The following TERT variants were observed in gnomAD, a reference collection of about 807,000 sequenced individuals.
The protein encoded by TERT is telomerase catalytic subunit.
A neutral mutation model predicts 104.0 loss-of-function variants in TERT; 42 were observed. The observed-to-expected ratio is 0.40, with a 90% CI of 0.32 to 0.52. TERT has a LOEUF of 0.52. Among genes scored for constraint, TERT ranks in the 20% least tolerant of loss-of-function variants. The probability of loss-of-function intolerance (pLI) is 0.43; values close to 1 mark genes in which losing one functional copy is unlikely to be tolerated. For missense variants in TERT, 1,101 were observed against 1,610.3 expected (o/e 0.68, Z 5.41); for synonymous variants, 781 against 725.6 (o/e 1.08, Z -1.23).
chr5:1,286,508 G>A lies in TERT; in HGVS notation c.1574-3884C>T, dbSNP rs1315859304. Among the ~76,000 whole-genome samples the A allele has an allele frequency of 6.6e-6, 1 of 152,178 alleles. No individual in the cohort carries two copies. Among genetic ancestry groups the A allele is most frequent in the African/African-American group, 2.4e-5 (1 of 41,428 alleles). On this transcript the variant is annotated intron_variant, in intron 2 of 15. Coordinates refer to ENST00000310581, the MANE Select transcript of TERT (RefSeq NM_198253.3). The surrounding 1 kb of genome is among the most constrained non-coding windows in gnomAD (Gnocchi z 5.3). ...CAGGGAAAACAGCACACAGGCTGGGGGGTGGCCAGAGCTAAAATACACTAA... is the reference window on the plus strand; with the variant it reads ...CAGGGAAAACAGCACACAGGCTGGGAGGTGGCCAGAGCTAAAATACACTAA...
Position 1,263,129 on chromosome 5 carries a change from A to C in TERT, c.2843+1275T>G, listed in dbSNP as rs1212095864. ...CGTCTGCACCTGCTGCTCCCCCATCACGAGGGTGTCCACACCTGCTGCTCC... is the reference window on the plus strand; with the variant it reads ...CGTCTGCACCTGCTGCTCCCCCATCCCGAGGGTGTCCACACCTGCTGCTCC... On this transcript the variant is annotated intron_variant, in intron 11 of 15. Coordinates refer to ENST00000310581, the MANE Select transcript of TERT (RefSeq NM_198253.3). The surrounding 1 kb of genome is among the most constrained non-coding windows in gnomAD (Gnocchi z 5.3). Among the ~76,000 whole-genome samples, 1 of 152,156 alleles carries C rather than the reference A, an allele frequency of 6.6e-6. No individual in the cohort carries two copies. The highest frequency in any genetic ancestry group is 2.4e-5 in the African/African-American group (1 of 41,432).
At chr5:1,258,345 C>T (rs1040640759) in intron 13 of TERT, among the ~76,000 whole-genome samples, 1 of 152,282 alleles carries the variant, frequency 6.6e-6, no homozygotes, top group African/African-American at 2.4e-5. Flanking sequence ...CCATGACGTC[C>T]CACGGCCAGT....
chr5:1,294,702 C>A, intron 1 of TERT, 36 bp from the exon 2 acceptor site: 1 of 1,581,882 alleles, frequency 6.3e-7, no homozygotes. Context: ...CTGCGCTGCT[C>A]TCCGCATGTC....
At chr5:1,273,875 C>T (rs372043289) in intron 6 of TERT, among the ~76,000 whole-genome samples, 8 of 152,316 alleles carry the variant, frequency 5.3e-5, no homozygotes, top group South Asian at 2.1e-4. Flanking sequence ...CTCGAGCTCC[C>T]GGGCCTCTCC....
chr5:1,255,327 C>T lies in TERT; in HGVS notation c.3117G>A (p.Thr1039=), dbSNP rs773595628. The T allele has an allele frequency of 1.9e-5, 30 of 1,614,126 alleles. No homozygotes were observed. Among genetic ancestry groups the T allele is most frequent in the South Asian group, 1.1e-4 (10 of 91,070 alleles). ...TCAGGATGGAGTAGCAGAGGGAGGC[C>T]GTGTCAGAGATGACGCGCAGGAAAA... ...PTFFLRVISD[T]ASLCYSILKA... Residue 1039 remains threonine, a synonymous_variant, in exon 14 of 16, where the codon ACG becomes ACA. Coordinates refer to ENST00000310581, the MANE Select transcript of TERT (RefSeq NM_198253.3). The surrounding 1 kb of genome is among the most constrained non-coding windows in gnomAD (Gnocchi z 6.9).
At position 1,288,786 on chromosome 5, in the gene TERT, A is replaced by G. The variant is rs1172171510; in HGVS notation, c.1573+4527T>C. 2.0e-5 allele frequency among the ~76,000 whole-genome samples: 3 copies of G among 152,172 alleles called. No individual in the cohort carries two copies. Among genetic ancestry groups the G allele is most frequent in the African/African-American group, 7.2e-5 (3 of 41,432 alleles). On this transcript the variant is annotated intron_variant, in intron 2 of 15. Transcript: ENST00000310581. The surrounding 1 kb of genome is among the most constrained non-coding windows in gnomAD (Gnocchi z 5.3). ...AAGCTGGGAGAGGAGTATTGGCAGCATGCATGTGGCGGGCACGTGGTGAGC... is the reference window on the plus strand; with the variant it reads ...AAGCTGGGAGAGGAGTATTGGCAGCGTGCATGTGGCGGGCACGTGGTGAGC...
rs375054298 is a variant in TERT at position 1,264,388 on chromosome 5, G to A, written c.2843+16C>T. On this transcript the variant is annotated intron_variant, in intron 11 of 15. Transcript: ENST00000310581. ...CCAGCCGGGCACAGGCTCCACTTCC[G>A]GCCAGGTGCGCTCACCTGGAGTAGT... 3.8e-5 allele frequency: 61 copies of A among 1,606,178 alleles called. No individual in the cohort carries two copies. The highest frequency in any genetic ancestry group is 1.5e-4 in the Admixed American group (9 of 59,048).
chr5:1,253,962 A>G, intron 15 of TERT, 131 bp from the exon 16 acceptor site: 1 of 1,000,568 alleles, frequency 1.0e-6, no homozygotes. Flanking sequence ...AACCTCAGTG[A>G]AGGGACAGAC....
chr5:1,285,648 C>CA (rs1179349016), intron 2 of TERT, among the ~76,000 whole-genome samples: 1 of 134,562 alleles, frequency 7.4e-6, no homozygotes, highest in Non-Finnish European at 1.5e-5. Context: ...CGGCTCACTG[C>CA]AACTTCCAAC....
Position 1,259,110 on chromosome 5 carries a change from G to A in TERT, c.2971-451C>T, listed in dbSNP as rs60205770. Among the ~76,000 whole-genome samples the A allele has an allele frequency of 4.1e-3, 600 of 145,984 alleles. 4 individuals carry two copies. The highest frequency in any genetic ancestry group is 0.015 in the African/African-American group (569 of 38,964). On this transcript the variant is annotated intron_variant, in intron 12 of 15. Transcript: ENST00000310581. ...CAGGAGAGGGGGAGTGGACACGGACGCCCACAGGAGAGAGGGAGTGGATGC... is the reference window on the plus strand; with the variant it reads ...CAGGAGAGGGGGAGTGGACACGGACACCCACAGGAGAGAGGGAGTGGATGC...
At position 1,286,802 on chromosome 5, in the gene TERT, G is replaced by A. The variant is rs749572917; in HGVS notation, c.1574-4178C>T. ...TTGAGGAATGAGAACTGCTTGAACC[G>A]AGGAGGCAGAGGTTGCAGTGAGCCG... On this transcript the variant is annotated intron_variant, in intron 2 of 15. Coordinates refer to ENST00000310581, the MANE Select transcript of TERT (RefSeq NM_198253.3). This position sits in a 1 kb window ranked among gnomAD's most constrained non-coding sequence, Gnocchi z 5.3. Among the ~76,000 whole-genome samples, 1 of 152,116 alleles carries A rather than the reference G, an allele frequency of 6.6e-6. No individual in the cohort carries two copies. The highest frequency in any genetic ancestry group is 1.9e-4 in the East Asian group (1 of 5,190).
chr5:1,268,834 C>T lies in TERT; in HGVS notation c.2469-201G>A, dbSNP rs543730154. ...TCCCCACTCTCACCATGCACTGGGG[C>T]GGCTGAAACAGATCCAGCCACAGGT... On this transcript the variant is annotated intron_variant, in intron 8 of 15. Transcript: ENST00000310581. The surrounding 1 kb of genome is among the most constrained non-coding windows in gnomAD (Gnocchi z 5.5). 7.9e-5 allele frequency among the ~76,000 whole-genome samples: 12 copies of T among 152,334 alleles called. No individual in the cohort carries two copies. In the East Asian group the frequency reaches 1.7e-3, roughly 22 times the overall value.
At chr5:1,289,381 G>A (rs1461846725) in intron 2 of TERT, among the ~76,000 whole-genome samples, 1 of 136,834 alleles carries the variant, frequency 7.3e-6, no homozygotes, top group Non-Finnish European at 1.6e-5. Flanking sequence ...CGGGGACGGG[G>A]CCTCACTCAC....
rs1427911222 is a variant in TERT, at chr5:1,287,505, A to AT, written c.1574-4882_1574-4881insA. 0.011 allele frequency among the ~76,000 whole-genome samples: 1,377 copies of AT among 130,608 alleles called. 9 individuals carry two copies. Among genetic ancestry groups the AT allele is most frequent in the Non-Finnish European group, 0.015 (916 of 62,410 alleles). 85.7% of individuals were successfully genotyped at this position (130,608 alleles called of 152,430 possible). On this transcript the variant is annotated intron_variant, in intron 2 of 15. Coordinates refer to ENST00000310581, the MANE Select transcript of TERT (RefSeq NM_198253.3). This position sits in a 1 kb window ranked among gnomAD's most constrained non-coding sequence, Gnocchi z 4.3. ...AGACCAAGACTCTGTCTCAAAAAAA[A>AT]AAAATATATATATATATATATAAAT...
At chr5:1,271,087 G>T (rs375284261) in intron 8 of TERT, 32 bp downstream of exon 8, 31 of 1,586,104 alleles carry the variant, frequency 2.0e-5, no homozygotes, top group Admixed American at 6.7e-5. Context: ...CCAGCCACCC[G>T]CAGGGCAATG....
At chr5:1,279,253 G>T (rs1749836354) in intron 5 of TERT, 38 bp downstream of exon 5, 2 of 1,549,460 alleles carry the variant, frequency 1.3e-6, no homozygotes, top group East Asian at 2.4e-5. Flanking sequence ...CACTCCCAAG[G>T]TCCAGCAGGG....
chr5:1,267,701 G>A (rs1748713670), intron 9 of TERT, among the ~76,000 whole-genome samples: 1 of 152,140 alleles, frequency 6.6e-6, no homozygotes, highest in Non-Finnish European at 1.5e-5. Context: ...GGACGAAGCT[G>A]GAAACCATCA....
rs1424698843 is a variant in TERT, at chr5:1,258,627, G to A, written c.3003C>T (p.Ile1001=). ...ACGCCTGCAGCAGGAGGATCTTGTA[G>A]ATGTTGGTGCACACCGTCTGGAGGC... ...VNSLQTVCTN[I]YKILLLQAYR... is the part of the protein sequence containing the mutation. Residue 1001 remains isoleucine, a synonymous_variant, in exon 13 of 16, where the codon ATC becomes ATT. Coordinates refer to ENST00000310581, the MANE Select transcript of TERT (RefSeq NM_198253.3). 2.5e-6 allele frequency: 4 copies of A among 1,572,272 alleles called. No homozygotes were observed. In the African/African-American group the frequency reaches 4.0e-5, roughly 16 times the overall value.
intron 4 of TERT, 142 bp downstream of exon 4, chr5:1,280,016 G>T: frequency 8.9e-7 from 1 of 1,124,814 alleles, no homozygotes; most frequent in Non-Finnish European, 1.3e-6. Context: ...ACCTCACTGT[G>T]CGCACAAATG....
Sources: gnomAD v4.1 joint callset for allele counts (sites outside exome capture counted in the v4.1 genomes callset) on GRCh38, gnomAD v4.1.1 for gene constraint, Gnocchi (gnomAD v3.1) non-coding constraint, MANE v1.5 for transcripts, NCBI Gene and HGNC (gene_info 2026-07-23, HGNC 2026-07-21) for gene names.